UTRN: variants seen among roughly 807,000 people sequenced by gnomAD.
The protein encoded by UTRN is utrophin.
A neutral mutation model predicts 463.9 loss-of-function variants in UTRN; 283 were observed. The observed-to-expected ratio is 0.61, with a 90% confidence interval of 0.55 to 0.67. The LOEUF is 0.67. UTRN is among the 30% of genes least tolerant of loss of function. The pLI is 0.00. For missense variants in UTRN, 3,922 were observed against 4,084.3 expected, an observed-to-expected ratio of 0.96 and a Z score of 1.08; for synonymous variants, 1,442 against 1,431.5, an observed-to-expected ratio of 1.01 and a Z score of -0.17.
chr6:144,337,647 C>T (rs1223155475), intron 2 of UTRN, among the ~76,000 whole-genome samples: 1 of 152,136 alleles, frequency 6.6e-6, no homozygotes, highest in Non-Finnish European at 1.5e-5. Context: ...TGGAGTCTTG[C>T]TCTGTCTCCC....
chr6:144,496,886 C>A (rs1189623165), intron 33 of UTRN, among the ~76,000 whole-genome samples: 1 of 152,112 alleles, frequency 6.6e-6, no homozygotes, highest in East Asian at 1.9e-4. Flanking sequence ...GAGGAGATTT[C>A]TAGACTGATA....
intron 52 of UTRN, among the ~76,000 whole-genome samples, chr6:144,690,072 C>CTTTTTT (rs1428641511): frequency 5.6e-5 from 2 of 35,660 alleles, no homozygotes; most frequent in African/African-American, 1.2e-4. Flanking sequence ...CCAAAAGTTT[C>CTTTTTT]TGTTTTTTTT....
rs1048213692 is a variant in UTRN, at chr6:144,557,047, G to T, written c.7135-110G>T. 2.2e-6 allele frequency: 3 copies of T among 1,355,124 alleles called. No homozygotes were observed. The African/African-American group carries it at 4.4e-5, about 20-fold the overall frequency. 83.9% of individuals were successfully genotyped at this position (1,355,124 alleles called of 1,614,324 possible). A position where few individuals can be genotyped will look rare whatever the true frequency, so the allele number is the denominator to read the frequency against. The stretch of plus-strand genomic sequence containing the variant: ...TTTGCCCCCAGTCTGTTTTCATCCT[G>T]TGATATCTGTATCTAAAGCATGTCA... On this transcript the variant is annotated intron_variant, in intron 49 of 74. Transcript: ENST00000367545.
intron 3 of UTRN, among the ~76,000 whole-genome samples, chr6:144,407,288 G>A (rs891425392): frequency 1.3e-5 from 2 of 152,092 alleles, no homozygotes; most frequent in African/African-American, 4.8e-5. Flanking sequence ...CAATGACATA[G>A]ACATACATTG....
chr6:144,506,546 CTG>C (rs2128588018), intron 34 of UTRN, among the ~76,000 whole-genome samples: 1 of 152,254 alleles, frequency 6.6e-6, no homozygotes, highest in Non-Finnish European at 1.5e-5. Context: ...ATATGAAATT[CTG>C]GGTTGAAAAT....
chr6:144,610,018 G>T (rs1805307128), intron 51 of UTRN, among the ~76,000 whole-genome samples: 1 of 151,246 alleles, frequency 6.6e-6, no homozygotes, highest in Non-Finnish European at 1.5e-5. Flanking sequence ...ACACCTCAAG[G>T]AACAATAAAA....
At chr6:144,419,004 C>T (rs550147905) in intron 3 of UTRN, among the ~76,000 whole-genome samples, 15 of 152,092 alleles carry the variant, frequency 9.9e-5, no homozygotes, top group South Asian at 6.2e-4. Flanking sequence ...TTCTCCCATG[C>T]GCTTTACCTA....
chr6:144,604,246 C>T (rs139093665), intron 51 of UTRN, among the ~76,000 whole-genome samples: 16 of 152,198 alleles, frequency 1.1e-4, no homozygotes, highest in African/African-American at 3.9e-4. Flanking sequence ...AGTTATACTC[C>T]GTGTGGCCTT....
intron 2 of UTRN, among the ~76,000 whole-genome samples, chr6:144,398,971 A>G (rs1438613404): frequency 6.6e-6 from 1 of 152,246 alleles, no homozygotes; most frequent in African/African-American, 2.4e-5. Flanking sequence ...CAAACTCACA[A>G]AAATATCATT....
rs1249732441 is a variant in UTRN, at chr6:144,842,085, G to A, written c.10270+1253G>A. On this transcript the variant is annotated intron_variant, in intron 73 of 74. Transcript: ENST00000367545. ...AGATCGTGCCACCGCACTCCAGCCTGGGAGACAGCGTGAGACTTCCTCTCC... is the reference window on the plus strand; with the variant it reads ...AGATCGTGCCACCGCACTCCAGCCTAGGAGACAGCGTGAGACTTCCTCTCC... 3.6e-5 allele frequency among the ~76,000 whole-genome samples: 5 copies of A among 139,396 alleles called. No individual in the cohort carries two copies. The South Asian group carries it at 1.2e-3, about 32-fold the overall frequency. 91.4% of individuals were successfully genotyped at this position (139,396 alleles called of 152,430 possible).
At chr6:144,446,289 T>A (rs967136473) in intron 14 of UTRN, among the ~76,000 whole-genome samples, 1 of 152,218 alleles carries the variant, frequency 6.6e-6, no homozygotes, top group Non-Finnish European at 1.5e-5. Context: ...GTGTACTGTC[T>A]ACATGTTCTG....
At chr6:144,308,268 A>C (rs1313126151) in intron 2 of UTRN, among the ~76,000 whole-genome samples, 1 of 152,038 alleles carries the variant, frequency 6.6e-6, no homozygotes, top group Non-Finnish European at 1.5e-5. Flanking sequence ...CTTGTCTCCC[A>C]GTGTGGTGGG....
intron 51 of UTRN, among the ~76,000 whole-genome samples, chr6:144,642,117 A>G (rs1777830036): frequency 6.6e-6 from 1 of 152,190 alleles, no homozygotes. Context: ...TGACCCAGTT[A>G]AAAAGCTGCA....
chr6:144,842,685 G>T (rs1336467883), intron 73 of UTRN, among the ~76,000 whole-genome samples: 1 of 152,138 alleles, frequency 6.6e-6, no homozygotes, highest in African/African-American at 2.4e-5. Context: ...GTTTCCACCA[G>T]CACATGAATA....
intron 62 of UTRN, among the ~76,000 whole-genome samples, chr6:144,790,583 T>G (rs1776674963): frequency 6.6e-6 from 1 of 152,194 alleles, no homozygotes; most frequent in Non-Finnish European, 1.5e-5. Context: ...GGAGATAAGG[T>G]GCTATGACGG....
At chr6:144,330,847 G>C (rs1404119911) in intron 2 of UTRN, 1 of 985,392 alleles carries the variant, frequency 1.0e-6, no homozygotes, top group Non-Finnish European at 1.2e-6. Flanking sequence ...TTTTCAATTT[G>C]ACTCCATCAA....
intron 3 of UTRN, among the ~76,000 whole-genome samples, chr6:144,416,840 C>T (rs73780563): frequency 0.021 from 3,225 of 152,230 alleles, 135 homozygotes; most frequent in African/African-American, 0.075. Context: ...GGAGAATGAC[C>T]TGAACTTGGC....
rs768476225 is a variant in UTRN, at chr6:144,487,571, C to G, written c.3846C>G (p.His1282Gln). ...ALESLESVLR[H>Q]PADNRTQIRE... ...AGTCTCTGGAATCTGTTCTGCGCCA[C>G]CCGGCAGATAATCGCACCCAGATTC... Residue 1282 changes from histidine (H) to glutamine (Q), a missense_variant, in exon 29 of 75, where the codon CAC becomes CAG. This residue lies in a region of UTRN where 2,349 missense variants were observed against 2,303.8 expected (regional missense o/e 1.02). Coordinates refer to ENST00000367545, the MANE Select transcript of UTRN (RefSeq NM_007124.3). 2.5e-6 allele frequency: 4 copies of G among 1,612,716 alleles called. No homozygotes were observed. In the South Asian group the frequency reaches 4.4e-5, roughly 18 times the overall value.
chr6:144,373,654 G>A (rs1394899697), intron 2 of UTRN, among the ~76,000 whole-genome samples: 2 of 152,252 alleles, frequency 1.3e-5, no homozygotes, highest in East Asian at 1.9e-4. Context: ...CGTTAAATCC[G>A]GATGGATTTT....
Sources: gnomAD v4.1 joint callset for allele counts (sites outside exome capture counted in the v4.1 genomes callset) on GRCh38, gnomAD v4.1.1 for gene constraint, gnomAD v4.1.1 regional missense constraint, MANE v1.5 for transcripts, NCBI Gene and HGNC (gene_info 2026-07-23, HGNC 2026-07-21) for gene names.